The following ZSCAN10 variants were observed in gnomAD, a reference collection of about 807,000 sequenced individuals.
ZSCAN10 encodes zinc finger and SCAN domain-containing protein 10.
ZSCAN10 carries 52 observed loss-of-function variants against 63.7 expected under a neutral mutation model. The observed-to-expected ratio is 0.82, with a 90% CI of 0.65 to 1.03. The LOEUF (loss-of-function observed/expected upper bound fraction) is 1.03, where lower values mean the gene tolerates loss of function less well. Ranked by LOEUF, ZSCAN10 falls within the 50% of genes least tolerant of loss-of-function variation. The pLI, the probability that ZSCAN10 is intolerant of heterozygous loss-of-function variation, is 0.00. For missense variants in ZSCAN10, 1,223 were observed against 1,103.8 expected, an observed-to-expected ratio of 1.11 and a Z score of -1.53; for synonymous variants, 544 against 479.6, an observed-to-expected ratio of 1.13 and a Z score of -1.76.
At chr16:3,095,370 AG>A (rs1457069548) in intron 1 of ZSCAN10, among the ~76,000 whole-genome samples, 2 of 150,750 alleles carry the variant, frequency 1.3e-5, no homozygotes, top group Non-Finnish European at 3.0e-5. Flanking sequence ...ACAAAAAATT[AG>A]CCACGGGTGG....
chr16:3,092,895 G>A lies in ZSCAN10; in HGVS notation c.43C>T (p.Leu15=). 1 of 1,440,968 alleles carries A rather than the reference G, an allele frequency of 6.9e-7. No individual in the cohort carries two copies. The highest frequency in any genetic ancestry group is 9.1e-7 in the Non-Finnish European group (1 of 1,095,936). 89.3% of individuals were successfully genotyped at this position (1,440,968 alleles called of 1,614,324 possible). A position where few individuals can be genotyped will look rare whatever the true frequency, so the allele number is the denominator to read the frequency against. ...TCCTCCTCCAGCTTGACTTCCCCCA[G>A]CTGCTCCTGCTCCACGGCAGCTGGG... ...SVPAAVEQEQ[L]GEVKLEEEEA... The change falls in exon 2 of 6, where the codon CTG becomes TTG. Residue 15 remains leucine (L), a synonymous_variant. Coordinates refer to ENST00000576985, the MANE Select transcript of ZSCAN10 (RefSeq NM_032805.3).
rs764303344 is a variant in ZSCAN10 at position 3,090,324 on chromosome 16, G to A, written c.1110C>T (p.His370=). 3.7e-6 allele frequency: 6 copies of A among 1,609,842 alleles called. No individual in the cohort carries two copies. In the Admixed American group the frequency reaches 1.0e-4, roughly 27 times the overall value. The change falls in exon 6 of 6, where the codon CAC becomes CAT. Residue 370 remains histidine (H), a synonymous_variant. Coordinates refer to ENST00000576985, the MANE Select transcript of ZSCAN10 (RefSeq NM_032805.3). ...GGCACAGGAAGGAGCGCCCAGCCGG[G>A]TGCGAGCGCAGCTGGTGCGCCTTCA... ...SRLKAHQLRS[H]PAGRSFLCLC...
rs1400807803 is a variant in ZSCAN10 at position 3,089,474 on chromosome 16, G to T, written c.1960C>A (p.Arg654Ser). The T allele has an allele frequency of 6.2e-7, 1 of 1,603,390 alleles. No individual in the cohort carries two copies. The highest frequency in any genetic ancestry group is 1.3e-5 in the African/African-American group (1 of 74,330). Residue 654 changes from arginine (R) to serine (S), a missense_variant, in exon 6 of 6, where the codon CGC becomes AGC. Arg to Ser is a moderately radical substitution (Grantham distance 110). Transcript: ENST00000576985. ...TGGGGCTTCTCCCCTGTGTGGATGC[G>T]CTGGTGGCGCGCCAGGTGGGCGCTC... ...SQSAHLARHQ[R>S]IHTGEKPHAC... is the part of the protein sequence containing the mutation.
intron 4 of ZSCAN10, 77 bp downstream of exon 4, chr16:3,091,687 A>G (rs1957078652): frequency 6.2e-7 from 1 of 1,608,792 alleles, no homozygotes; most frequent in Non-Finnish European, 8.5e-7. Flanking sequence ...GAATCAGGGA[A>G]GGTATGGATT....
In ZSCAN10 at chr16:3,091,423, C is replaced by T. The variant is rs981927157; in HGVS notation, c.787+117G>A. On this transcript the variant is annotated intron_variant, in intron 5 of 5. Coordinates refer to ENST00000576985, the MANE Select transcript of ZSCAN10 (RefSeq NM_032805.3). ...CTTTGGGAGGCTGAGGTGGGAGGATCACTTGAGCCCAGGAGTGGAGACTAG... is the reference window on the plus strand; with the variant it reads ...CTTTGGGAGGCTGAGGTGGGAGGATTACTTGAGCCCAGGAGTGGAGACTAG... The T allele has an allele frequency of 1.2e-5, 13 of 1,130,350 alleles. No individual in the cohort carries two copies. In the African/African-American group the frequency reaches 2.0e-4, roughly 17 times the overall value. 70.0% of individuals were successfully genotyped at this position (1,130,350 alleles called of 1,614,324 possible).
chr16:3,091,841 G>A lies in ZSCAN10; in HGVS notation c.665-13C>T, dbSNP rs376207897. On this transcript the variant is annotated splice_polypyrimidine_tract_variant and intron_variant, in intron 3 of 5. Coordinates refer to ENST00000576985, the MANE Select transcript of ZSCAN10 (RefSeq NM_032805.3). ...GGGCCCTGGGGACCTGACGGCATTG[G>A]GGAAGAGGGGAGGAAGTGCTGTTAG... 209 of 1,574,072 alleles carry A rather than the reference G, an allele frequency of 1.3e-4. No homozygotes were observed. Among genetic ancestry groups the A allele is most frequent in the Non-Finnish European group, 1.4e-4 (163 of 1,160,056 alleles).
At chr16:3,098,085 G>GA (rs1201079150) in intron 1 of ZSCAN10, among the ~76,000 whole-genome samples, 8 of 134,234 alleles carry the variant, frequency 6.0e-5, no homozygotes, top group Non-Finnish European at 1.3e-4. Flanking sequence ...GAAAAGAAAA[G>GA]AAAAGAAAAA....
rs372748608 is a variant in ZSCAN10, at chr16:3,091,474, C to G, written c.787+66G>C. ...CCTGGGCAACATAGCGAGATTCCATCTCTTTAAAAAAGACAAGAAAAGAAA... is the reference window on the plus strand; with the variant it reads ...CCTGGGCAACATAGCGAGATTCCATGTCTTTAAAAAAGACAAGAAAAGAAA... On this transcript the variant is annotated intron_variant, in intron 5 of 5. Coordinates refer to ENST00000576985, the MANE Select transcript of ZSCAN10 (RefSeq NM_032805.3). 7.9e-4 allele frequency: 1,236 copies of G among 1,559,352 alleles called. 13 individuals carry two copies. In the South Asian group the frequency reaches 0.013, roughly 16 times the overall value.
chr16:3,089,133 C>T lies in ZSCAN10; in HGVS notation c.2301G>A (p.Leu767=). 1.3e-6 allele frequency: 2 copies of T among 1,520,620 alleles called. No homozygotes were observed. Among genetic ancestry groups the T allele is most frequent in the Admixed American group, 2.1e-5 (1 of 47,588 alleles). The allele number at this position is 1,520,620 out of a possible 1,614,324, so 94.2% of individuals were successfully genotyped here. The change falls in exon 6 of 6, where the codon CTG becomes CTA. Residue 767 remains leucine, a synonymous_variant. Transcript: ENST00000576985. The stretch of plus-strand genomic sequence containing the variant: ...GGGCGTGGGTGCGCAGGTGGCGCAG[C>T]AGGTGGGAGTTGCGGCTGAAGCTGC... ...CGRSFSRNSH[L]LRHLRTHARE... is the part of the protein sequence containing the mutation.
intron 1 of ZSCAN10, among the ~76,000 whole-genome samples, chr16:3,094,138 G>A (rs993474734): frequency 1.3e-5 from 2 of 151,932 alleles, no homozygotes; most frequent in Admixed American, 6.6e-5. Context: ...TCAGCCTCCC[G>A]AGTAGCTGGG....
chr16:3,094,077 A>G (rs941813529), intron 1 of ZSCAN10, among the ~76,000 whole-genome samples: 2 of 152,166 alleles, frequency 1.3e-5, no homozygotes, highest in East Asian at 1.9e-4. Context: ...CAGTGGCGCA[A>G]TCACGGCTCA....
rs773459938 is a variant in ZSCAN10 at position 3,089,169 on chromosome 16, C to T, written c.2265G>A (p.Thr755=). The part of the protein sequence containing the change: ...VHTGARPYSC[T]QCGRSFSRNS... ...TGCGGCTGAAGCTGCGGCCACACTG[C>T]GTGCAGGAGTAGGGCCTGGCGCCCG... is the stretch of plus-strand genomic sequence containing the variant. Residue 755 remains threonine (T), a synonymous_variant, in exon 6 of 6, where the codon ACG becomes ACA. Transcript: ENST00000576985. 4 of 1,553,204 alleles carry T rather than the reference C, an allele frequency of 2.6e-6. No individual in the cohort carries two copies. The highest frequency in any genetic ancestry group is 2.4e-5 in the South Asian group (2 of 82,804).
Position 3,090,149 on chromosome 16 carries a change from C to T in ZSCAN10, c.1285G>A (p.Glu429Lys), listed in dbSNP as rs763631267. 6 of 1,601,098 alleles carry T rather than the reference C, an allele frequency of 3.7e-6. No individual in the cohort carries two copies. The highest frequency in any genetic ancestry group is 5.1e-6 in the Non-Finnish European group (6 of 1,177,202). ...CACTCTGCGCACAGGAAGGCGGGTT[C>T]GGAGGAGTGGGTCAGCAGGTGCTTG... ...LSKHLLTHSS[E>K]PAFLCAECGR... Residue 429 changes from glutamate to lysine, a missense_variant, in exon 6 of 6, where the codon GAA becomes AAA. Glu to Lys is a moderately conservative substitution (Grantham distance 56). Transcript: ENST00000576985.
chr16:3,090,077 C>T lies in ZSCAN10; in HGVS notation c.1357G>A (p.Ala453Thr), dbSNP rs866313274. 2 of 1,604,184 alleles carry T rather than the reference C, an allele frequency of 1.2e-6. No individual in the cohort carries two copies. Among genetic ancestry groups the T allele is most frequent in the South Asian group, 2.2e-5 (2 of 90,852 alleles). ...GGCGGCTTCTGGTCCTGGGCGTGCG[C>T]CAGCAGGTGCTGCACAAGGCTGGCG... Reference protein sequence around the residue: ...RRASLVQHLLAHAQDQKPPCA... With the variant: ...RRASLVQHLLTHAQDQKPPCA... Residue 453 changes from alanine to threonine, a missense_variant, in exon 6 of 6, where the codon GCG becomes ACG. Ala to Thr is a moderately conservative substitution (Grantham distance 58). Coordinates refer to ENST00000576985, the MANE Select transcript of ZSCAN10 (RefSeq NM_032805.3).
At position 3,092,912 on chromosome 16, in the gene ZSCAN10, G is replaced by A. The variant is rs1232350605; in HGVS notation, c.26C>T (p.Ala9Val). Residue 9 changes from alanine to valine, a missense_variant, in exon 2 of 6, where the codon GCC (alanine) becomes GTC (valine). Transcript: ENST00000576985. ...TTCCCCCAGCTGCTCCTGCTCCACG[G>A]CAGCTGGGACTGATTCTCCAAGCAT... Reference protein sequence around the residue: MLGESVPAAVEQEQLGEVK... With the variant: MLGESVPAVVEQEQLGEVK... 66 of 1,433,354 alleles carry A rather than the reference G, an allele frequency of 4.6e-5. No homozygotes were observed. In the Middle Eastern group the frequency reaches 1.0e-3, roughly 22 times the overall value. The allele number at this position is 1,433,354 out of a possible 1,614,324, so 88.8% of individuals were successfully genotyped here.
chr16:3,092,266 C>T lies in ZSCAN10; in HGVS notation c.447G>A (p.Leu149=). ...GKSCPRADVT[L]EEKGCASQVP... The stretch of plus-strand genomic sequence containing the variant: ...CCTGGGAAGCACACCCCTTTTCCTC[C>T]AAGGTGACGTCTGCACGGGGACAAC... Residue 149 remains leucine, a synonymous_variant, in exon 3 of 6, where the codon TTG becomes TTA. Transcript: ENST00000576985. 1 of 1,613,084 alleles carries T rather than the reference C, an allele frequency of 6.2e-7. No homozygotes were observed. Among genetic ancestry groups the T allele is most frequent in the Non-Finnish European group, 8.5e-7 (1 of 1,179,846 alleles).
At chr16:3,096,990 G>A (rs753880248) in intron 1 of ZSCAN10, among the ~76,000 whole-genome samples, 13 of 151,600 alleles carry the variant, frequency 8.6e-5, no homozygotes, top group South Asian at 2.1e-4. Flanking sequence ...CCAGCTGTTC[G>A]GGAGACTGAG....
chr16:3,090,175 C>T lies in ZSCAN10; in HGVS notation c.1259G>A (p.Ser420Asn), dbSNP rs751482057. ...GHRFRQSSHL[S>N]KHLLTHSSEP... ...GGAGGAGTGGGTCAGCAGGTGCTTG[C>T]TCAGGTGCGAGCTCTGGCGGAAGCG... Residue 420 changes from serine (S) to asparagine (N), a missense_variant, in exon 6 of 6, where the codon AGC becomes AAC. Transcript: ENST00000576985. 9 of 1,604,016 alleles carry T rather than the reference C, an allele frequency of 5.6e-6. No individual in the cohort carries two copies. The highest frequency in any genetic ancestry group is 7.6e-6 in the Non-Finnish European group (9 of 1,178,686).
In ZSCAN10 at chr16:3,089,141, A is replaced by G; in HGVS notation, c.2293T>C (p.Ser765Pro). 6.6e-7 allele frequency: 1 copy of G among 1,524,812 alleles called. No homozygotes were observed. The highest frequency in any genetic ancestry group is 8.7e-7 in the Non-Finnish European group (1 of 1,146,822). The allele number at this position is 1,524,812 out of a possible 1,614,324, so 94.5% of individuals were successfully genotyped here. A position where few individuals can be genotyped will look rare whatever the true frequency, so the allele number is the denominator to read the frequency against. The change falls in exon 6 of 6, where the codon TCC (serine) becomes CCC (proline). Residue 765 changes from serine (S) to proline (P), a missense_variant. By Grantham distance (74) the Ser-to-Pro change is moderately conservative. Coordinates refer to ENST00000576985, the MANE Select transcript of ZSCAN10 (RefSeq NM_032805.3). Reference sequence around the variant, plus strand: ...GTGCGCAGGTGGCGCAGCAGGTGGGAGTTGCGGCTGAAGCTGCGGCCACAC... The same window carrying G: ...GTGCGCAGGTGGCGCAGCAGGTGGGGGTTGCGGCTGAAGCTGCGGCCACAC... ...TQCGRSFSRN[S>P]HLLRHLRTHA...
Sources: gnomAD v4.1 joint callset for allele counts (sites outside exome capture counted in the v4.1 genomes callset) on GRCh38, gnomAD v4.1.1 for gene constraint, MANE v1.5 for transcripts, NCBI Gene and HGNC (gene_info 2026-07-23, HGNC 2026-07-21) for gene names.